SLC45A2: variants seen among roughly 807,000 people sequenced by gnomAD.
SLC45A2 encodes the protein membrane-associated transporter protein.
A neutral mutation model predicts 45.5 loss-of-function variants in SLC45A2; 36 were observed. The ratio of observed to expected loss-of-function variants is 0.79; its 90% confidence interval spans 0.61 to 1.04. The LOEUF (loss-of-function observed/expected upper bound fraction) is 1.04, where lower values mean the gene tolerates loss of function less well. Ranked by LOEUF, SLC45A2 falls within the 50% of genes least tolerant of loss-of-function variation. SLC45A2 has a pLI of 0.00. For synonymous variants in SLC45A2, 306 were observed against 269.3 expected (o/e 1.14, Z -1.33); for missense variants, 719 against 671.0 (o/e 1.07, Z -0.79).
chr5:33,946,686 C>T, intron 6 of SLC45A2: 2 of 1,038,372 alleles, frequency 1.9e-6, no homozygotes, highest in Non-Finnish European at 2.3e-6. Flanking sequence ...ACTCCATTGC[C>T]TAGGACTTTC....
Position 33,947,404 on chromosome 5 carries a change from G to C in SLC45A2, c.1157-30C>G, listed in dbSNP as rs755267919. The C allele has an allele frequency of 8.3e-6, 13 of 1,566,412 alleles. No homozygotes were observed. The African/African-American group carries it at 1.6e-4, about 20-fold the overall frequency. ...GGGAAGAAGAGAGGGAGAAATTACAGCTGGCAGTGCCTCATAACATTTAAT... is the reference window on the plus strand; with the variant it reads ...GGGAAGAAGAGAGGGAGAAATTACACCTGGCAGTGCCTCATAACATTTAAT... On this transcript the variant is annotated intron_variant, in intron 5 of 6. Transcript: ENST00000296589.
chr5:33,944,861 G>A lies in SLC45A2; in HGVS notation c.1380C>T (p.Ala460=), dbSNP rs781749350. The A allele has an allele frequency of 6.2e-7, 1 of 1,612,188 alleles. No individual in the cohort carries two copies. The highest frequency in any genetic ancestry group is 1.3e-5 in the African/African-American group (1 of 74,896). Residue 460 remains alanine, a synonymous_variant, in exon 7 of 7, where the codon GCC becomes GCT. Transcript: ENST00000296589. The part of the protein sequence containing the change: ...HREEEKERQQ[A]PGGDPDNSVR... ...CGCTGTTGTCTGGGTCCCCTCCTGG[G>A]GCCTGCTGCCTCTGCAAAGGAAGCA... is the stretch of plus-strand genomic sequence containing the variant.
chr5:33,958,549 C>G (rs768535862), intron 3 of SLC45A2, among the ~76,000 whole-genome samples: 27 of 152,166 alleles, frequency 1.8e-4, no homozygotes, highest in Non-Finnish European at 3.5e-4. Context: ...TGGGGTCTCT[C>G]TCTGTTGCTT....
chr5:33,970,997 G>A, intron 2 of SLC45A2: 1 of 498,398 alleles, frequency 2.0e-6, no homozygotes, highest in Non-Finnish European at 4.1e-6. Flanking sequence ...GTCTGAAAAT[G>A]ATCTGAAGGC....
At chr5:33,954,554 C>T in intron 3 of SLC45A2, 50 bp from the exon 4 acceptor site, 11 of 1,610,496 alleles carry the variant, frequency 6.8e-6, no homozygotes, top group Non-Finnish European at 9.3e-6. Context: ...AGAAACTCAG[C>T]CAGCTAAGGG....
At chr5:33,968,418 C>T (rs747233128) in intron 2 of SLC45A2, among the ~76,000 whole-genome samples, 30 of 152,186 alleles carry the variant, frequency 2.0e-4, no homozygotes, top group African/African-American at 4.6e-4. Flanking sequence ...CCAGAGCATT[C>T]GGAGGACATC....
chr5:33,965,414 A>G lies in SLC45A2; in HGVS notation c.563-1398T>C, dbSNP rs147244318. Among the ~76,000 whole-genome samples the G allele has an allele frequency of 9.2e-4, 140 of 152,366 alleles. 2 individuals are homozygous for G. Among genetic ancestry groups the G allele is most frequent in the African/African-American group, 3.1e-3 (131 of 41,598 alleles). ...TGCAATTTAACATAGAGCCTATTTA[A>G]GGAGGACCAACAATCTAATCATTGG... On this transcript the variant is annotated intron_variant, in intron 2 of 6. Coordinates refer to ENST00000296589, the MANE Select transcript of SLC45A2 (RefSeq NM_016180.5).
intron 3 of SLC45A2, among the ~76,000 whole-genome samples, chr5:33,955,485 T>C (rs1018348937): frequency 1.3e-5 from 2 of 152,200 alleles, no homozygotes; most frequent in Non-Finnish European, 2.9e-5. Context: ...TTTTATTCAT[T>C]AGAACATTAA....
At chr5:33,954,315 G>A (rs1752205785) in intron 4 of SLC45A2, 46 bp downstream of exon 4, 1 of 1,613,168 alleles carries the variant, frequency 6.2e-7, no homozygotes, top group Admixed American at 1.7e-5. Context: ...TGTTAATGGA[G>A]GAAATGATGT....
intron 6 of SLC45A2, 136 bp from the exon 7 acceptor site, chr5:33,945,008 T>A: frequency 1.2e-6 from 1 of 818,132 alleles, no homozygotes. Flanking sequence ...TGGTCATAAC[T>A]ACTCAACTCT....
chr5:33,964,303 A>C (rs1237795945), intron 2 of SLC45A2, among the ~76,000 whole-genome samples: 1 of 152,146 alleles, frequency 6.6e-6, no homozygotes, highest in African/African-American at 2.4e-5. Flanking sequence ...TGAAAATAGA[A>C]AGTGTTCAGG....
intron 2 of SLC45A2, among the ~76,000 whole-genome samples, chr5:33,974,558 C>T (rs1417238027): frequency 6.6e-6 from 1 of 152,162 alleles, no homozygotes. Flanking sequence ...CTGAACATGC[C>T]TCTGCCGGAA....
chr5:33,977,691 T>C (rs1255852912), intron 2 of SLC45A2, among the ~76,000 whole-genome samples: 1 of 152,114 alleles, frequency 6.6e-6, no homozygotes, highest in Non-Finnish European at 1.5e-5. Context: ...AAGGCAGTGG[T>C]AGAGGAGTGA....
chr5:33,960,807 T>A (rs1435207602), intron 3 of SLC45A2, among the ~76,000 whole-genome samples: 1 of 152,202 alleles, frequency 6.6e-6, no homozygotes, highest in Admixed American at 6.5e-5. Flanking sequence ...CTGGTGAAAT[T>A]CAAATAAGTC....
chr5:33,977,730 C>T (rs250415), intron 2 of SLC45A2, among the ~76,000 whole-genome samples: 7,593 of 152,082 alleles, frequency 0.05, 419 homozygotes, highest in East Asian at 0.22. Context: ...CAGACCTGCC[C>T]GCTGCTCCTG....
intron 1 of SLC45A2, among the ~76,000 whole-genome samples, chr5:33,982,753 G>A (rs931659833): frequency 1.3e-5 from 2 of 152,048 alleles, no homozygotes; most frequent in Admixed American, 6.5e-5. Flanking sequence ...CATACTAAAG[G>A]CACTGAATTG....
Position 33,976,333 on chromosome 5 carries a change from C to T in SLC45A2, c.562+5903G>A, listed in dbSNP as rs973158684. Among the ~76,000 whole-genome samples the T allele has an allele frequency of 2.6e-5, 4 of 152,206 alleles. 1 individual carries two copies. The highest frequency in any genetic ancestry group is 5.9e-5 in the Non-Finnish European group (4 of 68,046). ...CATCCCTTATCCTCTCACTCATTCA[C>T]ACGTATGTTACCTCTGGACAGCCCC... On this transcript the variant is annotated intron_variant, in intron 2 of 6. Coordinates refer to ENST00000296589, the MANE Select transcript of SLC45A2 (RefSeq NM_016180.5).
chr5:33,968,391 A>G (rs1186060239), intron 2 of SLC45A2, among the ~76,000 whole-genome samples: 1 of 152,204 alleles, frequency 6.6e-6, no homozygotes, highest in Non-Finnish European at 1.5e-5. Flanking sequence ...TCACCAGGCT[A>G]TTGGGCAAGC....
At chr5:33,946,363 T>G in intron 6 of SLC45A2, 1 of 985,478 alleles carries the variant, frequency 1.0e-6, no homozygotes, top group Admixed American at 6.1e-5. Context: ...TGGTTATATG[T>G]TCAGTGTTTT....
Sources: allele counts gnomAD v4.1 joint callset (sites outside exome capture counted in the v4.1 genomes callset), GRCh38; gene constraint gnomAD v4.1.1; transcripts MANE v1.5; gene names NCBI Gene and HGNC (gene_info 2026-07-23, HGNC 2026-07-21).